Variants in RAB7B observed in about 807,000 individuals in gnomAD.
RAB7B encodes ras-related protein Rab-7b.
intron 5 of RAB7B, among the ~76,000 whole-genome samples, chr1:205,985,072 C>G (rs1660565808): frequency 6.6e-6 from 1 of 152,226 alleles, no homozygotes; most frequent in South Asian, 2.1e-4. Context: ...ACACACTCAA[C>G]ACATTCTTGC....
intron 1 of RAB7B, among the ~76,000 whole-genome samples, chr1:205,999,327 A>G (rs1660855436): frequency 6.6e-6 from 1 of 152,254 alleles, no homozygotes; most frequent in African/African-American, 2.4e-5. Context: ...AAGAACGTGA[A>G]CAAGTTACCA....
At chr1:206,003,166 C>T in intron 1 of RAB7B, 87 bp downstream of exon 1, 1 of 152,434 alleles carries the variant, frequency 6.6e-6, no homozygotes. Context: ...GCATTCCCTG[C>T]CTCCACTCCT....
intron 5 of RAB7B, among the ~76,000 whole-genome samples, chr1:205,980,074 C>T (rs1323074689): frequency 1.3e-5 from 2 of 152,226 alleles, no homozygotes; most frequent in Non-Finnish European, 2.9e-5. Flanking sequence ...TCTGACACCC[C>T]ATCACTCACT....
chr1:205,988,990 C>T (rs1288531095), intron 4 of RAB7B, among the ~76,000 whole-genome samples: 1 of 152,098 alleles, frequency 6.6e-6, no homozygotes, highest in Non-Finnish European at 1.5e-5. Flanking sequence ...TGCTCTCTCC[C>T]ACACACCTCA....
In RAB7B at chr1:205,979,181, A is replaced by C. The variant is rs945196894; in HGVS notation, c.523-253T>G. 8.4e-3 allele frequency among the ~76,000 whole-genome samples: 1,277 copies of C among 152,276 alleles called. 13 individuals are homozygous for C. The highest frequency in any genetic ancestry group is 0.012 in the Non-Finnish European group (822 of 68,018). On this transcript the variant is annotated intron_variant, in intron 5 of 5. Coordinates refer to ENST00000617070, the MANE Select transcript of RAB7B (RefSeq NM_001164522.3). The stretch of plus-strand genomic sequence containing the variant: ...TAGCGGCCCAAGTCTCCTGACCTCC[A>C]GCCATGTCCTATAACTTTCCATTCT...
At chr1:205,982,356 G>A (rs1283341844) in intron 5 of RAB7B, among the ~76,000 whole-genome samples, 2 of 152,032 alleles carry the variant, frequency 1.3e-5, no homozygotes, top group Non-Finnish European at 2.9e-5. Flanking sequence ...TACCTCCAAA[G>A]TCTCTTTAAT....
chr1:205,990,433 G>A (rs1278396125), intron 4 of RAB7B, among the ~76,000 whole-genome samples: 1 of 152,182 alleles, frequency 6.6e-6, no homozygotes, highest in African/African-American at 2.4e-5. Context: ...ACAGTCAACG[G>A]GGCAGAGAGA....
chr1:205,992,037 G>C (rs1660730303), intron 4 of RAB7B, among the ~76,000 whole-genome samples: 6 of 152,188 alleles, frequency 3.9e-5, no homozygotes, highest in Non-Finnish European at 7.4e-5. Context: ...CTTGACCCCA[G>C]GCAGAAATGC....
intron 1 of RAB7B, among the ~76,000 whole-genome samples, chr1:206,002,817 C>T (rs1240802017): frequency 6.6e-6 from 1 of 152,196 alleles, no homozygotes; most frequent in Admixed American, 6.5e-5. Flanking sequence ...AGGGGCCAAG[C>T]TTCCCCTGAT....
rs1379816935 is a variant in RAB7B, at chr1:205,977,196, C to A, written c.*1655G>T. On this transcript the variant is annotated 3_prime_UTR_variant, in exon 6 of 6. Coordinates refer to ENST00000617070, the MANE Select transcript of RAB7B (RefSeq NM_001164522.3). The stretch of plus-strand genomic sequence containing the variant: ...GATTCTGCAGTGGGCATGGACTTGG[C>A]CATTGAAGACCCTGAGAGGACATCT... The A allele has an allele frequency of 3.9e-5, 6 of 152,174 alleles. No individual in the cohort carries two copies. Among genetic ancestry groups the A allele is most frequent in the African/African-American group, 1.4e-4 (6 of 41,438 alleles). 9.4% of individuals were successfully genotyped at this position (152,174 alleles called of 1,614,324 possible).
rs1660585518 is a variant in RAB7B, at chr1:205,985,758, C to CACCAGGCCT, written c.397-94_397-93insAGGCCTGGT. On this transcript the variant is annotated intron_variant, in intron 4 of 5. Transcript: ENST00000617070. The stretch of plus-strand genomic sequence containing the variant: ...ACATCCCCACCATCCCCATCAGGCC[C>CACCAGGCCT]ACCATCCCCACCATCCCCATCATCC... 2 of 257,886 alleles carry CACCAGGCCT rather than the reference C, an allele frequency of 7.8e-6. 1 individual carries two copies. The highest frequency in any genetic ancestry group is 6.4e-5 in the African/African-American group (2 of 31,102). The allele number at this position is 257,886 out of a possible 1,614,324, so 16.0% of individuals were successfully genotyped here.
chr1:205,999,573 C>T (rs1219975698), intron 1 of RAB7B, among the ~76,000 whole-genome samples: 10 of 152,178 alleles, frequency 6.6e-5, no homozygotes, highest in South Asian at 2.1e-4. Flanking sequence ...AATATCAAAA[C>T]GTAATATGCA....
Position 205,977,230 on chromosome 1 carries a change from C to T in RAB7B, c.*1621G>A, listed in dbSNP as rs1045718073. On this transcript the variant is annotated 3_prime_UTR_variant, in exon 6 of 6. Coordinates refer to ENST00000617070, the MANE Select transcript of RAB7B (RefSeq NM_001164522.3). ...ACCCTGAGAGGACATCTTGTCCACC[C>T]TCTCCAGGCTAGGCCCTGTCTGTGC... The T allele has an allele frequency of 3.3e-5, 5 of 152,182 alleles. No homozygotes were observed. The highest frequency in any genetic ancestry group is 1.2e-4 in the African/African-American group (5 of 41,430). The allele number at this position is 152,182 out of a possible 1,614,324, so 9.4% of individuals were successfully genotyped here.
chr1:205,992,804 C>T (rs1023990761), intron 3 of RAB7B, 109 bp from the exon 4 acceptor site: 1 of 397,638 alleles, frequency 2.5e-6, no homozygotes, highest in Non-Finnish European at 4.4e-6. Flanking sequence ...AGCAGCAGGC[C>T]CTGGTACAGG....
intron 4 of RAB7B, among the ~76,000 whole-genome samples, chr1:205,992,156 T>TTA (rs1660731843): frequency 6.6e-6 from 1 of 152,200 alleles, no homozygotes; most frequent in Non-Finnish European, 1.5e-5. Flanking sequence ...AGTTCTCAGC[T>TTA]TATATCATGC....
Position 205,978,575 on chromosome 1 carries a change from C to T in RAB7B, c.*276G>A. The T allele has an allele frequency of 3.3e-6, 1 of 306,040 alleles. No individual in the cohort carries two copies. Among genetic ancestry groups the T allele is most frequent in the Non-Finnish European group, 6.0e-6 (1 of 167,320 alleles). 19.0% of individuals were successfully genotyped at this position (306,040 alleles called of 1,614,324 possible). A position where few individuals can be genotyped will look rare whatever the true frequency, so the allele number is the denominator to read the frequency against. ...GTGGATGGGTGGGGAAAGCTGGAGCCACTGCGGAAACGGTGACTTCTGCAG... is the reference window on the plus strand; with the variant it reads ...GTGGATGGGTGGGGAAAGCTGGAGCTACTGCGGAAACGGTGACTTCTGCAG... On this transcript the variant is annotated 3_prime_UTR_variant, in exon 6 of 6. Transcript: ENST00000617070.
At chr1:206,001,890 C>T (rs1660898567) in intron 1 of RAB7B, among the ~76,000 whole-genome samples, 1 of 152,204 alleles carries the variant, frequency 6.6e-6, no homozygotes, top group East Asian at 1.9e-4. Context: ...CTTCCTTTCT[C>T]TCCTTACCCC....
At chr1:205,991,405 G>A (rs903875387) in intron 4 of RAB7B, among the ~76,000 whole-genome samples, 15 of 152,192 alleles carry the variant, frequency 9.9e-5, no homozygotes, top group African/African-American at 2.4e-4. Context: ...CCACAGAACC[G>A]ATGACTCGTA....
chr1:205,979,441 G>C (rs959308724), intron 5 of RAB7B, among the ~76,000 whole-genome samples: 11 of 151,978 alleles, frequency 7.2e-5, no homozygotes, highest in Non-Finnish European at 1.5e-5. Context: ...GGGCCCTTTT[G>C]CTTCTCCAGT....
Sources: gnomAD v4.1 joint callset for allele counts (sites outside exome capture counted in the v4.1 genomes callset) on GRCh38, gnomAD v4.1.1 for gene constraint, MANE v1.5 for transcripts, NCBI Gene and HGNC (gene_info 2026-07-23, HGNC 2026-07-21) for gene names.